Variants in ATP7A observed in about 807,000 individuals in gnomAD.
ATP7A encodes the protein copper-transporting ATPase 1.
Under a neutral mutation model 83.5 loss-of-function variants are expected in ATP7A, and 7 were observed. That is an observed-to-expected ratio of 0.08 (90% CI 0.05 to 0.16). The LOEUF (loss-of-function observed/expected upper bound fraction) is 0.16. Among genes scored for constraint, ATP7A ranks in the 10% least tolerant of loss-of-function variants. The pLI, the probability that ATP7A is intolerant of heterozygous loss-of-function variation, is 1.00. For missense variants in ATP7A, 940 were observed against 1,120.8 expected, an observed-to-expected ratio of 0.84 and a Z score of 2.30; for synonymous variants, 354 against 395.2, an observed-to-expected ratio of 0.90 and a Z score of 1.24.
In ATP7A at chrX:78,015,875, A is replaced by G; in HGVS notation, c.2620A>G (p.Ile874Val). The change falls in exon 12 of 23, where the codon ATC (isoleucine) becomes GTC (valine). Residue 874 changes from isoleucine to valine, a missense_variant. By Grantham distance (29) the Ile-to-Val change is conservative. Coordinates refer to ENST00000341514, the MANE Select transcript of ATP7A (RefSeq NM_000052.7). ...EGHSMVDESL[I>V]TGEAMPVAKK... ...ACATTCTATGGTAGATGAGTCCCTCATCACAGGTATGTTCTTTCAAAGGAT... is the reference window on the plus strand; with the variant it reads ...ACATTCTATGGTAGATGAGTCCCTCGTCACAGGTATGTTCTTTCAAAGGAT... 8.3e-7 allele frequency: 1 copy of G among 1,211,879 alleles called. No individual in the cohort carries two copies. Among genetic ancestry groups the G allele is most frequent in the Non-Finnish European group, 1.1e-6 (1 of 895,410 alleles).
intron 2 of ATP7A, among the ~76,000 whole-genome samples, chrX:77,982,949 C>G (rs2077612635): frequency 8.9e-6 from 1 of 112,025 alleles, no homozygotes; most frequent in South Asian, 3.7e-4. Flanking sequence ...AATCAAGGTG[C>G]TGGCAAATTT....
At chrX:77,994,545 C>CTTTTTTTT (rs1160409693) in intron 4 of ATP7A, among the ~76,000 whole-genome samples, 1 of 103,336 alleles carries the variant, frequency 9.7e-6, no homozygotes, top group Non-Finnish European at 2.0e-5. Flanking sequence ...AGTTCAGTAA[C>CTTTTTTTT]TTTTTTTTTT....
intron 2 of ATP7A, among the ~76,000 whole-genome samples, chrX:77,980,700 C>G (rs782353112): frequency 9.0e-6 from 1 of 110,605 alleles, no homozygotes; most frequent in Non-Finnish European, 1.9e-5. Flanking sequence ...TGGAGTCTCG[C>G]TCTTGTCACC....
At chrX:78,039,003 G>C in intron 18 of ATP7A, 21 bp downstream of exon 18, 1 of 1,200,984 alleles carries the variant, frequency 8.3e-7, no homozygotes. Context: ...CCATAAGTAT[G>C]CTATAACTCA....
chrX:78,041,393 A>C (rs2078047380), intron 19 of ATP7A, among the ~76,000 whole-genome samples: 1 of 108,989 alleles, frequency 9.2e-6, no homozygotes, highest in Non-Finnish European at 1.9e-5. Context: ...CTCTTGCCTC[A>C]GCCTCCCGAG....
rs782002197 is a variant in ATP7A, at chrX:78,020,990, C to T, written c.2827C>T (p.Pro943Ser). The T allele has an allele frequency of 1.7e-6, 2 of 1,206,606 alleles. No homozygotes were observed. The highest frequency in any genetic ancestry group is 1.7e-5 in the African/African-American group (1 of 57,526). Residue 943 changes from proline to serine, a missense_variant, in exon 14 of 23, where the codon CCT (proline) becomes TCT (serine). This residue lies in a region of ATP7A where 386 missense variants were observed against 502.2 expected (regional missense o/e 0.77). Coordinates refer to ENST00000341514, the MANE Select transcript of ATP7A (RefSeq NM_000052.7). ...AGACAAACTCAGTGGCTATTTTGTT[C>T]CTTTTATTGTTTTTGTTTCCATTGC... ...FADKLSGYFV[P>S]FIVFVSIATL... is the part of the protein sequence containing the mutation.
intron 1 of ATP7A, among the ~76,000 whole-genome samples, chrX:77,941,937 A>G (rs1412427709): frequency 8.9e-6 from 1 of 112,439 alleles, no homozygotes; most frequent in Non-Finnish European, 1.9e-5. Flanking sequence ...TTCTGTGGGA[A>G]CAATGTTAAC....
At chrX:77,913,456 G>A (rs2077170886) in intron 1 of ATP7A, among the ~76,000 whole-genome samples, 1 of 111,571 alleles carries the variant, frequency 9.0e-6, no homozygotes, top group Non-Finnish European at 1.9e-5. Context: ...GTTAGGCAGA[G>A]TATTTTAGTT....
At chrX:78,003,393 T>G (rs1326997327) in intron 6 of ATP7A, among the ~76,000 whole-genome samples, 157 bp downstream of exon 6, 1 of 110,804 alleles carries the variant, frequency 9.0e-6, no homozygotes, top group African/African-American at 3.3e-5. Context: ...ATGGTACTCT[T>G]CAAGCATGGA....
At chrX:77,918,896 G>A (rs868924280) in intron 1 of ATP7A, among the ~76,000 whole-genome samples, 1 of 111,302 alleles carries the variant, frequency 9.0e-6, no homozygotes, top group Middle Eastern at 4.7e-3. Context: ...GTCCCAACAC[G>A]TTTATCATTT....
intron 1 of ATP7A, among the ~76,000 whole-genome samples, chrX:77,925,624 C>T (rs1442385656): frequency 9.0e-6 from 1 of 111,333 alleles, no homozygotes; most frequent in Non-Finnish European, 1.9e-5. Context: ...AATAGCTCAG[C>T]AAAAAGCCAT....
intron 11 of ATP7A, 86 bp from the exon 12 acceptor site, chrX:78,015,668 G>A: frequency 3.5e-6 from 4 of 1,144,133 alleles, no homozygotes; most frequent in Non-Finnish European, 2.4e-6. Flanking sequence ...GGAGCCACAA[G>A]CTTGACGTGA....
chrX:78,042,801 G>T lies in ATP7A; in HGVS notation c.4005+13G>T. On this transcript the variant is annotated intron_variant, in intron 20 of 22. Coordinates refer to ENST00000341514, the MANE Select transcript of ATP7A (RefSeq NM_000052.7). ...GGTTTTGATAAGGGTAAGTGCCATG[G>T]CTTGACCTTTGAGGAGTATGAGACT... 1 of 1,208,165 alleles carries T rather than the reference G, an allele frequency of 8.3e-7. No homozygotes were observed. Among genetic ancestry groups the T allele is most frequent in the Non-Finnish European group, 1.1e-6 (1 of 893,077 alleles).
In ATP7A at chrX:77,996,704, G is replaced by A. The variant is rs1557232583; in HGVS notation, c.1337-1774G>A. On this transcript the variant is annotated intron_variant, in intron 4 of 22. Transcript: ENST00000341514. ...TTCCAGAGTGTGAAAATTACAGATGGTATTCCAGGTTACCTCTGGTACCTA... is the reference window on the plus strand; with the variant it reads ...TTCCAGAGTGTGAAAATTACAGATGATATTCCAGGTTACCTCTGGTACCTA... Among the ~76,000 whole-genome samples the A allele has an allele frequency of 2.7e-5, 3 of 111,027 alleles. No homozygotes were observed. The Admixed American group carries it at 2.9e-4, about 11-fold the overall frequency.
intron 5 of ATP7A, among the ~76,000 whole-genome samples, 156 bp from the exon 6 acceptor site, chrX:78,002,917 G>A (rs983460801): frequency 9.1e-6 from 1 of 109,612 alleles, no homozygotes; most frequent in Admixed American, 9.9e-5. Flanking sequence ...AATTGTTTGG[G>A]GTCAAGACTG....
At chrX:78,022,581 G>T (rs2077914904) in intron 14 of ATP7A, among the ~76,000 whole-genome samples, 1 of 109,747 alleles carries the variant, frequency 9.1e-6, no homozygotes, top group South Asian at 3.9e-4. Context: ...GCAGTGGCAC[G>T]ATCTCGGCTC....
chrX:78,028,080 T>C (rs2077958899), intron 14 of ATP7A, among the ~76,000 whole-genome samples: 1 of 109,867 alleles, frequency 9.1e-6, no homozygotes, highest in Non-Finnish European at 1.9e-5. Flanking sequence ...AGGAATGCAG[T>C]GGTGCAATCA....
intron 3 of ATP7A, 109 bp downstream of exon 3, chrX:77,988,840 C>T: frequency 1.0e-6 from 1 of 960,207 alleles, no homozygotes; most frequent in Non-Finnish European, 1.5e-6. Flanking sequence ...GACTAGAGTG[C>T]TTGCTGTATC....
chrX:77,921,921 A>G (rs782446001), intron 1 of ATP7A, among the ~76,000 whole-genome samples: 15 of 110,267 alleles, frequency 1.4e-4, no homozygotes, highest in South Asian at 7.7e-4. Context: ...AATAAAAATA[A>G]AAATAAAAAT....
Sources: allele counts gnomAD v4.1 joint callset (sites outside exome capture counted in the v4.1 genomes callset), GRCh38; gene constraint gnomAD v4.1.1; regional missense constraint gnomAD v4.1.1; transcripts MANE v1.5; gene names NCBI Gene and HGNC (gene_info 2026-07-23, HGNC 2026-07-21).